The following BRI3 variants were observed in gnomAD, a reference collection of about 807,000 sequenced individuals.
BRI3 encodes membrane protein BRI3.
BRI3 carries 6 observed loss-of-function variants against 12.8 expected under a neutral mutation model. That is an observed-to-expected ratio of 0.47 (90% CI 0.26 to 0.93). The LOEUF (loss-of-function observed/expected upper bound fraction) is 0.93, where lower values mean the gene tolerates loss of function less well. Among genes scored for constraint, BRI3 ranks in the 40% least tolerant of loss-of-function variants. The pLI is 0.15. For synonymous variants in BRI3, 91 were observed against 76.1 expected, an observed-to-expected ratio of 1.20 and a Z score of -1.02; for missense variants, 134 against 171.1, an observed-to-expected ratio of 0.78 and a Z score of 1.21.
chr7:98,285,599 CCTGAGTCT>C (rs1331818620), intron 2 of BRI3, among the ~76,000 whole-genome samples: 1 of 152,206 alleles, frequency 6.6e-6, no homozygotes, highest in African/African-American at 2.4e-5. Flanking sequence ...TCAGTGGCCT[CCTGAGTCT>C]CTGACCTTGG....
At position 98,291,278 on chromosome 7, in the gene BRI3, T is replaced by C. The variant is rs2116751300; in HGVS notation, c.*35T>C. 1.2e-6 allele frequency: 2 copies of C among 1,610,872 alleles called. No individual in the cohort carries two copies. On this transcript the variant is annotated 3_prime_UTR_variant, in exon 3 of 3. Transcript: ENST00000297290. Reference sequence around the variant, plus strand: ...CAGGCCCGGCTTTCCTACACCCAGCTCTCTTTTTCTAATGTAAATGTTGTG... The same window carrying C: ...CAGGCCCGGCTTTCCTACACCCAGCCCTCTTTTTCTAATGTAAATGTTGTG...
chr7:98,300,629 G>A (rs1367728738), intron 1 of BRI3, among the ~76,000 whole-genome samples: 1 of 152,054 alleles, frequency 6.6e-6, no homozygotes, highest in Non-Finnish European at 1.5e-5. Context: ...TCCATTTCAC[G>A]AGGCCCCGCT....
intron 1 of BRI3, among the ~76,000 whole-genome samples, chr7:98,300,064 AAC>A (rs1191601031): frequency 2.6e-5 from 4 of 152,128 alleles, no homozygotes; most frequent in Non-Finnish European, 5.9e-5. Context: ...TAAACAAACA[AAC>A]AAATGTAAAC....
downstream of BRI3, chr7:98,292,554 C>T: frequency 5.4e-6 from 7 of 1,303,476 alleles, no homozygotes; most frequent in Non-Finnish European, 7.6e-6. Flanking sequence ...TCAGGGCAGC[C>T]AGTGCGTAGT....
chr7:98,321,166 C>A, the BRI3 span, among the ~76,000 whole-genome samples: 1 of 152,136 alleles, frequency 6.6e-6, no homozygotes, highest in Non-Finnish European at 1.5e-5. Context: ...GCCCACGTGG[C>A]CCTTTCTATA....
At chr7:98,310,905 C>A (rs1443794371), downstream of BRI3, among the ~76,000 whole-genome samples, 1 of 151,986 alleles carries the variant, frequency 6.6e-6, no homozygotes, top group Non-Finnish European at 1.5e-5. Flanking sequence ...AGGCTGGTCT[C>A]AAACTTCTGA....
At chr7:98,300,329 G>A (rs773991750) in intron 1 of BRI3, among the ~76,000 whole-genome samples, 3 of 152,280 alleles carry the variant, frequency 2.0e-5, no homozygotes, top group Non-Finnish European at 2.9e-5. Context: ...CCACAGCTGC[G>A]CTCCCGGAAC....
At chr7:98,295,484 G>A (rs1584411206), downstream of BRI3, among the ~76,000 whole-genome samples, 1 of 152,332 alleles carries the variant, frequency 6.6e-6, no homozygotes, top group East Asian at 1.9e-4. Flanking sequence ...GGTGTGAGGT[G>A]CATGCTCTGC....
the BRI3 span, among the ~76,000 whole-genome samples, chr7:98,320,729 G>A: frequency 2.4e-4 from 36 of 152,328 alleles, no homozygotes; most frequent in African/African-American, 8.2e-4. Context: ...TCATCCCTGA[G>A]ACACATCAGG....
At chr7:98,294,543 A>T (rs1162602863), downstream of BRI3, among the ~76,000 whole-genome samples, 1 of 152,210 alleles carries the variant, frequency 6.6e-6, no homozygotes, top group Non-Finnish European at 1.5e-5. Context: ...CTAAACTCGG[A>T]AACAGTTTCA....
rs1392580306 is a variant in BRI3 at position 98,307,043 on chromosome 7, A to G, written n.144+378A>G. 3 of 159,954 alleles carry G rather than the reference A, an allele frequency of 1.9e-5. No homozygotes were observed. The East Asian group carries it at 5.5e-4, about 29-fold the overall frequency. The allele number at this position is 159,954 out of a possible 1,614,324, so 9.9% of individuals were successfully genotyped here. ...GCTGAAATTAAGAGGATTGCATTCA[A>G]ACTACCTACGTGCTAAACCTTAACA... On this transcript the variant is annotated intron_variant and non_coding_transcript_variant, in intron 1 of 1. Transcript: ENST00000485422.
downstream of BRI3, among the ~76,000 whole-genome samples, chr7:98,311,757 T>C (rs1435210480): frequency 6.6e-6 from 1 of 151,738 alleles, no homozygotes; most frequent in Non-Finnish European, 1.5e-5. Flanking sequence ...AATACAAAAA[T>C]TAGCCAGGCA....
chr7:98,300,250 C>G (rs2116816873), intron 1 of BRI3, among the ~76,000 whole-genome samples: 1 of 64,216 alleles, frequency 1.6e-5, no homozygotes, highest in African/African-American at 5.0e-5. Context: ...AGGCCCAGAA[C>G]ACACAGCCAT....
the BRI3 span, among the ~76,000 whole-genome samples, chr7:98,317,557 T>C: frequency 6.8e-6 from 1 of 147,742 alleles, no homozygotes; most frequent in African/African-American, 2.5e-5. Flanking sequence ...ATGCCCACAC[T>C]TCGCACCATC....
upstream of BRI3, among the ~76,000 whole-genome samples, chr7:98,305,914 G>A (rs575332878): frequency 9.2e-5 from 14 of 152,238 alleles, no homozygotes; most frequent in South Asian, 2.9e-3. Context: ...TCAAGCCATG[G>A]GAGTGGATGA....
rs915388102 is a variant in BRI3 at position 98,284,516 on chromosome 7, C to T, written c.245+2063C>T. The stretch of plus-strand genomic sequence containing the variant: ...TGGAGACGGTTCCCTGAACACACAA[C>T]ACACACGTCTGGCCGCTGCCTGGCG... On this transcript the variant is annotated intron_variant, in intron 2 of 2. Transcript: ENST00000297290. Among the ~76,000 whole-genome samples the T allele has an allele frequency of 2.6e-5, 4 of 152,302 alleles. No homozygotes were observed. The East Asian group carries it at 7.7e-4, about 29-fold the overall frequency.
chr7:98,282,073 CCCGGCGCCG>C, intron 1 of BRI3, 136 bp downstream of exon 1: 1 of 1,227,456 alleles, frequency 8.1e-7, no homozygotes, highest in African/African-American at 1.6e-5. Flanking sequence ...GGCTTCGGGA[CCCGGCGCCG>C]CCGAGGGCCA....
chr7:98,293,730 A>G, downstream of BRI3: 1 of 818,964 alleles, frequency 1.2e-6, no homozygotes, highest in Non-Finnish European at 2.0e-6. Flanking sequence ...AGGTCCCAGC[A>G]GCGTTTTCTG....
chr7:98,288,530 G>A (rs1799787822), intron 2 of BRI3, among the ~76,000 whole-genome samples: 2 of 151,678 alleles, frequency 1.3e-5, no homozygotes, highest in Non-Finnish European at 2.9e-5. Context: ...TTTCCTGGCA[G>A]ACTCTGGTCT....
Sources: gnomAD v4.1 joint callset for allele counts (sites outside exome capture counted in the v4.1 genomes callset) on GRCh38, gnomAD v4.1.1 for gene constraint, MANE v1.5 for transcripts, NCBI Gene and HGNC (gene_info 2026-07-23, HGNC 2026-07-21) for gene names.